The following GGACT variants were observed in gnomAD, a reference collection of about 807,000 sequenced individuals.
GGACT encodes gamma-glutamylaminecyclotransferase.
For missense variants in GGACT, 241 were observed against 233.2 expected, an observed-to-expected ratio of 1.03 and a Z score of -0.22; for synonymous variants, 118 against 115.3, an observed-to-expected ratio of 1.02 and a Z score of -0.15.
intron 2 of GGACT, 129 bp downstream of exon 2, chr13:100,583,696 C>A (rs1251456951): frequency 6.6e-6 from 1 of 152,114 alleles, no homozygotes; most frequent in Non-Finnish European, 1.5e-5. Context: ...TACCTGGCTC[C>A]CCACCACTAC....
At chr13:100,550,795 G>A (rs1161996300) in intron 2 of GGACT, among the ~76,000 whole-genome samples, 1 of 152,184 alleles carries the variant, frequency 6.6e-6, no homozygotes, top group Non-Finnish European at 1.5e-5. Context: ...CAGCAGAACA[G>A]CCGCTTTGTT....
chr13:100,535,599 G>A (rs1430844168), intron 2 of GGACT: 1 of 152,212 alleles, frequency 6.6e-6, no homozygotes, highest in Non-Finnish European at 1.5e-5. Flanking sequence ...CACTGTAGAA[G>A]CCTGACCCTT....
chr13:100,571,761 CAAA>C (rs1221986701), intron 2 of GGACT, among the ~76,000 whole-genome samples: 1 of 152,184 alleles, frequency 6.6e-6, no homozygotes, highest in African/African-American at 2.4e-5. Context: ...ATGCCCACCT[CAAA>C]CATTGATGTA....
chr13:100,557,170 C>T (rs2088716095), intron 2 of GGACT, among the ~76,000 whole-genome samples: 2 of 152,204 alleles, frequency 1.3e-5, no homozygotes, highest in South Asian at 4.1e-4. Flanking sequence ...GGATTACAGG[C>T]TTTAGCCACC....
At chr13:100,560,599 C>T (rs1284056477) in intron 2 of GGACT, among the ~76,000 whole-genome samples, 3 of 152,252 alleles carry the variant, frequency 2.0e-5, no homozygotes, top group African/African-American at 7.2e-5. Flanking sequence ...GCGCTGGGAA[C>T]GTGCCCTGTG....
chr13:100,563,047 C>T lies in GGACT; in HGVS notation c.-11+20778G>A, dbSNP rs536857340. Among the ~76,000 whole-genome samples the T allele has an allele frequency of 6.4e-4, 97 of 152,278 alleles. No homozygotes were observed. In the South Asian group the frequency reaches 0.01, roughly 16 times the overall value. ...AAGCAGAGGCTTCCAGAGAAACCAA[C>T]CCTGCCGGCCCCTGATCTTGGACTT... On this transcript the variant is annotated intron_variant, in intron 2 of 2. Coordinates refer to ENST00000683975, the MANE Select transcript of GGACT (RefSeq NM_001195087.2).
intron 2 of GGACT, chr13:100,579,947 T>G (rs1345250157): frequency 1.3e-5 from 2 of 152,278 alleles, no homozygotes; most frequent in African/African-American, 4.8e-5. Context: ...CTGAGCACCG[T>G]TCTGCTGATG....
intron 2 of GGACT, among the ~76,000 whole-genome samples, chr13:100,549,835 CAT>C (rs1253565063): frequency 2.0e-5 from 3 of 152,160 alleles, no homozygotes; most frequent in Non-Finnish European, 4.4e-5. Flanking sequence ...CCCCAACACA[CAT>C]GAGCACATAC....
intron 2 of GGACT, among the ~76,000 whole-genome samples, chr13:100,543,196 G>GTTTTTTT (rs1566530390): frequency 1.1e-4 from 7 of 63,666 alleles, no homozygotes; most frequent in Admixed American, 1.6e-4. Context: ...AAAGACACCA[G>GTTTTTTT]CTTTTTTTTT....
At position 100,532,338 on chromosome 13, in the gene GGACT, G is replaced by A. The variant is rs774553677; in HGVS notation, c.254C>T (p.Pro85Leu). The A allele has an allele frequency of 7.7e-6, 12 of 1,550,496 alleles. No individual in the cohort carries two copies. The highest frequency in any genetic ancestry group is 2.4e-5 in the East Asian group (1 of 40,898). Residue 85 changes from proline (P) to leucine (L), a missense_variant, in exon 3 of 3, where the codon CCG becomes CTG. Transcript: ENST00000683975. ...LRFLDDFESC[P>L]ALYQRTVLRV... The stretch of plus-strand genomic sequence containing the variant: ...CAGCACCGTGCGCTGGTACAGGGCC[G>A]GGCAACTCTCGAAGTCATCCAGAAA...
chr13:100,562,592 T>C (rs1361957142), intron 2 of GGACT, among the ~76,000 whole-genome samples: 1 of 152,044 alleles, frequency 6.6e-6, no homozygotes, highest in Non-Finnish European at 1.5e-5. Context: ...GGTCACGAGT[T>C]TGAGACCAGC....
At chr13:100,588,450 G>C (rs1442788257) in intron 1 of GGACT, 1 of 152,244 alleles carries the variant, frequency 6.6e-6, no homozygotes, top group Admixed American at 6.5e-5. Context: ...CGTGCGTGAG[G>C]CGGTTCCTGG....
chr13:100,542,546 A>G (rs768672887), intron 2 of GGACT, among the ~76,000 whole-genome samples: 12 of 152,216 alleles, frequency 7.9e-5, no homozygotes, highest in African/African-American at 2.9e-4. Flanking sequence ...TTGGGTTCCT[A>G]GAGCCAATTC....
At position 100,532,008 on chromosome 13, in the gene GGACT, G is replaced by T; in HGVS notation, c.*122C>A. ...TAAAATCAGCTGCCACTGAAAGATT[G>T]GTTCCTTTCCGGCAGATTCATTGGA... On this transcript the variant is annotated 3_prime_UTR_variant, in exon 3 of 3. Coordinates refer to ENST00000683975, the MANE Select transcript of GGACT (RefSeq NM_001195087.2). The T allele has an allele frequency of 1.7e-6, 1 of 582,488 alleles. No homozygotes were observed. Among genetic ancestry groups the T allele is most frequent in the Non-Finnish European group, 2.7e-6 (1 of 368,844 alleles). 36.1% of individuals were successfully genotyped at this position (582,488 alleles called of 1,614,324 possible).
intron 2 of GGACT, among the ~76,000 whole-genome samples, chr13:100,574,341 G>A (rs1238657299): frequency 1.3e-5 from 2 of 152,198 alleles, no homozygotes; most frequent in Non-Finnish European, 2.9e-5. Flanking sequence ...TTGGGAGGCT[G>A]AGGCCGGTGG....
At chr13:100,546,008 G>A (rs1045499436) in intron 2 of GGACT, among the ~76,000 whole-genome samples, 1 of 152,184 alleles carries the variant, frequency 6.6e-6, no homozygotes, top group African/African-American at 2.4e-5. Flanking sequence ...GGCAGACAGT[G>A]TTGATAGAAT....
chr13:100,543,457 C>T (rs980181056), intron 2 of GGACT, among the ~76,000 whole-genome samples: 11 of 152,158 alleles, frequency 7.2e-5, no homozygotes, highest in East Asian at 1.9e-4. Context: ...CCGCCCACCT[C>T]GGCCTCCCAA....
At chr13:100,572,386 G>C (rs1875114192) in intron 2 of GGACT, among the ~76,000 whole-genome samples, 1 of 152,166 alleles carries the variant, frequency 6.6e-6, no homozygotes, top group Admixed American at 6.5e-5. Context: ...TGATTACCAG[G>C]AGCTGGGGGA....
chr13:100,584,401 C>G (rs1288897375), intron 1 of GGACT, among the ~76,000 whole-genome samples: 1 of 152,128 alleles, frequency 6.6e-6, no homozygotes, highest in Non-Finnish European at 1.5e-5. Flanking sequence ...CATGTTCTTA[C>G]TCATTTGTGG....
Sources: allele counts gnomAD v4.1 joint callset (sites outside exome capture counted in the v4.1 genomes callset), GRCh38; gene constraint gnomAD v4.1.1; transcripts MANE v1.5; gene names NCBI Gene and HGNC (gene_info 2026-07-23, HGNC 2026-07-21).